PLD1: variants seen among roughly 807,000 people sequenced by gnomAD.
The protein encoded by PLD1 is choline phosphatase 1.
Under a neutral mutation model 137.1 loss-of-function variants are expected in PLD1, and 112 were observed. That is an observed-to-expected ratio of 0.82 (90% confidence interval 0.70 to 0.96). The LOEUF is 0.96. Among genes scored for constraint, PLD1 ranks in the 40% least tolerant of loss-of-function variants. The probability of loss-of-function intolerance (pLI) is 0.00; values close to 1 mark genes in which losing one functional copy is unlikely to be tolerated. For missense variants in PLD1, 1,321 were observed against 1,342.0 expected (o/e 0.98, Z 0.24); for synonymous variants, 431 against 454.7 (o/e 0.95, Z 0.66).
intron 16 of PLD1, among the ~76,000 whole-genome samples, chr3:171,683,928 A>G (rs1714268547): frequency 6.6e-6 from 1 of 152,188 alleles, no homozygotes; most frequent in Non-Finnish European, 1.5e-5. Flanking sequence ...AAAAGAGATG[A>G]ACCATTTGTT....
chr3:171,757,456 C>T (rs1721105730), intron 1 of PLD1, among the ~76,000 whole-genome samples: 1 of 152,156 alleles, frequency 6.6e-6, no homozygotes, highest in African/African-American at 2.4e-5. Flanking sequence ...ATACCCAGCT[C>T]CTCAAAGGCA....
chr3:171,735,417 T>G, intron 4 of PLD1, 75 bp downstream of exon 4: 4 of 1,268,332 alleles, frequency 3.2e-6, no homozygotes, highest in Non-Finnish European at 4.6e-6. Context: ...ATTACAGGTG[T>G]GAGCTACCAC....
At chr3:171,647,779 T>C (rs1385273691) in intron 21 of PLD1, among the ~76,000 whole-genome samples, 1 of 152,140 alleles carries the variant, frequency 6.6e-6, no homozygotes, top group Non-Finnish European at 1.5e-5. Context: ...TGGCATCAAT[T>C]ACATATACAA....
At position 171,644,946 on chromosome 3, in the gene PLD1, C is replaced by T; in HGVS notation, c.2507G>A (p.Gly836Glu). Residue 836 changes from glycine to glutamate, a missense_variant, in exon 22 of 27, where the codon GGA becomes GAA. Gly to Glu is a moderately conservative substitution (Grantham distance 98, BLOSUM62 -2). Coordinates refer to ENST00000351298, the MANE Select transcript of PLD1 (RefSeq NM_002662.5). ...GFEGDISTGG[G>E]NALQAIMHFN... ...GTGCATGATTGCCTGTAGAGCATTT[C>T]CTCCGCCGGTTGAAATGTCTCCTTC... 3 of 1,613,730 alleles carry T rather than the reference C, an allele frequency of 1.9e-6. No individual in the cohort carries two copies. The highest frequency in any genetic ancestry group is 2.2e-5 in the South Asian group (2 of 91,078).
rs575647819 is a variant in PLD1 at position 171,642,905 on chromosome 3, G to A, written c.2544-16C>T. On this transcript the variant is annotated splice_polypyrimidine_tract_variant and intron_variant, in intron 22 of 26. Coordinates refer to ENST00000351298, the MANE Select transcript of PLD1 (RefSeq NM_002662.5). ...GCACATGGTTCTGAAAATATGTAAA[G>A]GAGAAAATAATTACAGAGGTTTCAA... is the stretch of plus-strand genomic sequence containing the variant. 4.3e-5 allele frequency: 65 copies of A among 1,502,018 alleles called. No homozygotes were observed. In the South Asian group the frequency reaches 7.4e-4, roughly 17 times the overall value. The allele number at this position is 1,502,018 out of a possible 1,614,324, so 93.0% of individuals were successfully genotyped here. A position where few individuals can be genotyped will look rare whatever the true frequency, so the allele number is the denominator to read the frequency against.
intron 2 of PLD1, 116 bp from the exon 3 acceptor site, chr3:171,737,775 G>A: frequency 1.5e-6 from 2 of 1,333,990 alleles, no homozygotes; most frequent in South Asian, 2.8e-5. Flanking sequence ...AAAATGATCT[G>A]AGCCCGGTGT....
chr3:171,692,532 C>CT (rs368048616), intron 12 of PLD1, 90 bp from the exon 13 acceptor site: 5,923 of 615,534 alleles, frequency 9.6e-3, no homozygotes, highest in South Asian at 0.014. Context: ...TACTTTCTTT[C>CT]TTTTTTTTTT....
At chr3:171,697,453 T>C (rs1343996849) in intron 12 of PLD1, among the ~76,000 whole-genome samples, 1 of 151,714 alleles carries the variant, frequency 6.6e-6, no homozygotes, top group East Asian at 1.9e-4. Context: ...GACACATTAT[T>C]TTGATCAGAC....
At chr3:171,784,018 T>C (rs1722896679) in intron 1 of PLD1, among the ~76,000 whole-genome samples, 1 of 152,210 alleles carries the variant, frequency 6.6e-6, no homozygotes, top group Non-Finnish European at 1.5e-5. Context: ...CTGGATAGTA[T>C]GTGTACCCAT....
chr3:171,624,848 C>G (rs766662765), intron 23 of PLD1, among the ~76,000 whole-genome samples: 7 of 152,022 alleles, frequency 4.6e-5, no homozygotes, highest in Non-Finnish European at 8.8e-5. Context: ...ATACAACTAT[C>G]TGAGCATTTT....
At chr3:171,667,761 T>C (rs1267191813) in intron 19 of PLD1, among the ~76,000 whole-genome samples, 3 of 152,152 alleles carry the variant, frequency 2.0e-5, no homozygotes, top group East Asian at 3.9e-4. Context: ...CACCACTTAC[T>C]GTTTGTGGTT....
intron 1 of PLD1, among the ~76,000 whole-genome samples, chr3:171,751,186 AAC>A (rs1720631486): frequency 6.6e-6 from 1 of 152,234 alleles, no homozygotes; most frequent in South Asian, 2.1e-4. Flanking sequence ...CCCAAATATG[AAC>A]AACAAATATT....
At chr3:171,658,778 T>C (rs1737423150) in intron 21 of PLD1, among the ~76,000 whole-genome samples, 1 of 152,198 alleles carries the variant, frequency 6.6e-6, no homozygotes, top group African/African-American at 2.4e-5. Flanking sequence ...TTTAAGTGGC[T>C]GGATTATACA....
chr3:171,806,518 T>C (rs1308076296), intron 1 of PLD1, among the ~76,000 whole-genome samples: 1 of 152,376 alleles, frequency 6.6e-6, no homozygotes, highest in East Asian at 1.9e-4. Context: ...AAATACATTT[T>C]ATTTTGTGGT....
chr3:171,730,478 C>A, intron 6 of PLD1, among the ~76,000 whole-genome samples: 1 of 151,644 alleles, frequency 6.6e-6, no homozygotes, highest in African/African-American at 2.4e-5. Context: ...GAGAGAAGGT[C>A]TGAGCACAAA....
chr3:171,620,237 A>G, intron 24 of PLD1, 149 bp downstream of exon 24: 1 of 535,352 alleles, frequency 1.9e-6, no homozygotes, highest in Non-Finnish European at 3.3e-6. Context: ...AGGATGTAAG[A>G]GAAGAGGATG....
intron 1 of PLD1, among the ~76,000 whole-genome samples, chr3:171,740,043 G>A (rs995840313): frequency 2.9e-4 from 44 of 152,124 alleles, no homozygotes; most frequent in Admixed American, 8.5e-4. Flanking sequence ...CAGGGTCTTT[G>A]TTTCCTCTCT....
At chr3:171,698,811 CA>C (rs11359377) in intron 12 of PLD1, among the ~76,000 whole-genome samples, 23,224 of 103,904 alleles carry the variant, frequency 0.22, 1,996 homozygotes, top group South Asian at 0.29. Flanking sequence ...TACAAAAATA[CA>C]AAAAAAAAAA....
At chr3:171,668,280 T>C (rs1232080909) in intron 19 of PLD1, among the ~76,000 whole-genome samples, 1 of 152,200 alleles carries the variant, frequency 6.6e-6, no homozygotes, top group Admixed American at 6.5e-5. Flanking sequence ...GGCCCATACA[T>C]GGAAAACAAC....
Sources: gnomAD v4.1 joint callset for allele counts (sites outside exome capture counted in the v4.1 genomes callset) on GRCh38, gnomAD v4.1.1 for gene constraint, MANE v1.5 for transcripts, NCBI Gene and HGNC (gene_info 2026-07-23, HGNC 2026-07-21) for gene names.